The following COL5A1 variants were observed in gnomAD, a reference collection of about 807,000 sequenced individuals.
COL5A1 encodes collagen alpha-1(V) chain.
Under a neutral mutation model 263.7 loss-of-function variants are expected in COL5A1, and 16 were observed. That is an observed-to-expected ratio of 0.06 (90% confidence interval 0.04 to 0.09). The LOEUF is 0.09. Among genes scored for constraint, COL5A1 ranks in the 10% least tolerant of loss-of-function variants. The pLI, the probability that COL5A1 is intolerant of heterozygous loss-of-function variation, is 1.00. For synonymous variants in COL5A1, 1,012 were observed against 1,004.5 expected (o/e 1.01, Z -0.14); for missense variants, 2,036 against 2,540.5 (o/e 0.80, Z 4.27).
intron 29 of COL5A1, 106 bp downstream of exon 29, chr9:134,782,826 A>G: frequency 8.9e-7 from 1 of 1,128,626 alleles, no homozygotes; most frequent in Non-Finnish European, 1.3e-6. Flanking sequence ...CTCAGAATGG[A>G]GGTAAACTCT....
At chr9:134,674,526 G>A (rs954480260) in intron 1 of COL5A1, among the ~76,000 whole-genome samples, 1 of 152,116 alleles carries the variant, frequency 6.6e-6, no homozygotes, top group Admixed American at 6.6e-5. Context: ...GTGTGTGTGT[G>A]TTGGATGAGG....
At chr9:134,730,712 T>C (rs925977806) in intron 7 of COL5A1, among the ~76,000 whole-genome samples, 1 of 152,220 alleles carries the variant, frequency 6.6e-6, no homozygotes, top group African/African-American at 2.4e-5. Flanking sequence ...CATCTCAATG[T>C]TGTCAATTTT....
chr9:134,811,214 A>C lies in COL5A1; in HGVS notation c.3529-125A>C. 3.5e-6 allele frequency: 3 copies of C among 861,136 alleles called. No homozygotes were observed. The South Asian group carries it at 4.0e-5, about 11-fold the overall frequency. The allele number at this position is 861,136 out of a possible 1,614,324, so 53.3% of individuals were successfully genotyped here. On this transcript the variant is annotated intron_variant, in intron 44 of 65. Coordinates refer to ENST00000371817, the MANE Select transcript of COL5A1 (RefSeq NM_000093.5). The stretch of plus-strand genomic sequence containing the variant: ...CTTGCATCGTGGTGCAAGGAACGAC[A>C]CATTTGGAGACTGAACTGACGACGT...
At chr9:134,777,656 G>A (rs933382031) in intron 27 of COL5A1, among the ~76,000 whole-genome samples, 2 of 152,198 alleles carry the variant, frequency 1.3e-5, no homozygotes, top group Non-Finnish European at 2.9e-5. Context: ...ACCGAGAGGG[G>A]TCTCAGGAGG....
At chr9:134,723,255 G>A (rs1020948735) in intron 4 of COL5A1, among the ~76,000 whole-genome samples, 1 of 152,216 alleles carries the variant, frequency 6.6e-6, no homozygotes. Context: ...GGCACCCTGC[G>A]GAGAGGAAGG....
Position 134,771,141 on chromosome 9 carries a change from G to C in COL5A1, c.2287-1649G>C, listed in dbSNP as rs1836853213. Among the ~76,000 whole-genome samples, 4 of 152,270 alleles carry C rather than the reference G, an allele frequency of 2.6e-5. No individual in the cohort carries two copies. The South Asian group carries it at 6.2e-4, about 24-fold the overall frequency. The stretch of plus-strand genomic sequence containing the variant: ...AGCCTGGAACTGAGGAAATGACCAC[G>C]TGGAGAGGCCTGGGGGCTTCCTCGA... On this transcript the variant is annotated intron_variant, in intron 25 of 65. Coordinates refer to ENST00000371817, the MANE Select transcript of COL5A1 (RefSeq NM_000093.5).
intron 28 of COL5A1, 110 bp downstream of exon 28, chr9:134,780,256 C>T (rs571459152): frequency 1.7e-5 from 18 of 1,049,370 alleles, no homozygotes; most frequent in African/African-American, 7.7e-5. Flanking sequence ...AGGTGGATGT[C>T]GCCTCTGAGT....
At chr9:134,654,988 AGGTGTGTAGGGCTGGG>A (rs1831899507) in intron 1 of COL5A1, among the ~76,000 whole-genome samples, 2 of 11,664 alleles carry the variant, frequency 1.7e-4, no homozygotes, top group Non-Finnish European at 3.3e-4. Flanking sequence ...GTAGGGCTGG[AGGTGTGTAGGGCTGGG>A]GGTGTGTAGA....
chr9:134,671,965 C>G (rs958624459), intron 1 of COL5A1, among the ~76,000 whole-genome samples: 5 of 152,156 alleles, frequency 3.3e-5, no homozygotes, highest in Admixed American at 2.0e-4. Context: ...GACCAAGGGC[C>G]CTGTGAGGAC....
In COL5A1 at chr9:134,817,064, G is replaced by C. The variant is rs1564479397; in HGVS notation, c.4161G>C (p.Gly1387=). The C allele has an allele frequency of 6.2e-7, 1 of 1,613,736 alleles. No individual in the cohort carries two copies. The highest frequency in any genetic ancestry group is 1.7e-5 in the Admixed American group (1 of 60,020). Residue 1387 remains glycine, a synonymous_variant, in exon 53 of 66, where the codon GGG becomes GGC. Coordinates refer to ENST00000371817, the MANE Select transcript of COL5A1 (RefSeq NM_000093.5). ...CTACTGGTGAACCAGGTCCATCGGG[G>C]CCTCCAGGAAAAAGGGTAAATAATC... ...PGPTGEPGPS[G]PPGKRGPPGP... is the part of the protein sequence containing the mutation.
chr9:134,714,034 C>G (rs1452178319), intron 4 of COL5A1, among the ~76,000 whole-genome samples: 1 of 152,242 alleles, frequency 6.6e-6, no homozygotes, highest in Non-Finnish European at 1.5e-5. Context: ...TCTGTTGCTT[C>G]TGTGCTGCCT....
intron 61 of COL5A1, among the ~76,000 whole-genome samples, chr9:134,824,093 G>T (rs756515556): frequency 3.9e-5 from 6 of 152,186 alleles, no homozygotes; most frequent in African/African-American, 1.2e-4. Context: ...TTGAACCAGG[G>T]CATGGCGAGT....
intron 28 of COL5A1, among the ~76,000 whole-genome samples, chr9:134,780,350 C>T (rs1032238503): frequency 1.3e-5 from 2 of 152,146 alleles, no homozygotes; most frequent in African/African-American, 4.8e-5. Flanking sequence ...GCCCTCGGGT[C>T]CCCAGGGGCA....
At chr9:134,837,794 C>A (rs1839897912) in intron 65 of COL5A1, among the ~76,000 whole-genome samples, 1 of 152,134 alleles carries the variant, frequency 6.6e-6, no homozygotes, top group African/African-American at 2.4e-5. Flanking sequence ...CTCCCCACGT[C>A]CGAATGCGAA....
chr9:134,750,234 G>T (rs1290177638), intron 11 of COL5A1, among the ~76,000 whole-genome samples: 1 of 152,174 alleles, frequency 6.6e-6, no homozygotes. Context: ...TCACCTTCGG[G>T]CTCCTTGTCT....
At chr9:134,812,790 GTGTGTA>G (rs1423410225) in intron 48 of COL5A1, 78 bp downstream of exon 48, 31 of 979,764 alleles carry the variant, frequency 3.2e-5, no homozygotes, top group East Asian at 1.1e-4. Flanking sequence ...GTGTGTGTCT[GTGTGTA>G]TGTGTATGTG....
rs1307241543 is a variant in COL5A1, at chr9:134,757,212, G to A, written c.1881+394G>A. ...TGGAGGTGAGTAGATGTTGCCCGTG[G>A]CTAAAGGCAGGGCTGTGTGTGTGGC... is the stretch of plus-strand genomic sequence containing the variant. On this transcript the variant is annotated intron_variant, in intron 17 of 65. Coordinates refer to ENST00000371817, the MANE Select transcript of COL5A1 (RefSeq NM_000093.5). This position sits in a 1 kb window ranked among gnomAD's most constrained non-coding sequence, Gnocchi z 6.2. Among the ~76,000 whole-genome samples the A allele has an allele frequency of 6.6e-6, 1 of 152,128 alleles. No individual in the cohort carries two copies. Among genetic ancestry groups the A allele is most frequent in the East Asian group, 1.9e-4 (1 of 5,178 alleles).
In COL5A1 at chr9:134,818,081, G is replaced by T. The variant is rs932303562; in HGVS notation, c.4230+250G>T. On this transcript the variant is annotated intron_variant, in intron 54 of 65. Transcript: ENST00000371817. The surrounding 1 kb of genome is among the most constrained non-coding windows in gnomAD (Gnocchi z 6.0). Reference sequence around the variant, plus strand: ...GGGAGGAGGCGGGTGGTGGGTGCGGGATTCAGGGAGCCCAAGGCTGAGTAG... The same window carrying T: ...GGGAGGAGGCGGGTGGTGGGTGCGGTATTCAGGGAGCCCAAGGCTGAGTAG... Among the ~76,000 whole-genome samples, 2 of 152,204 alleles carry T rather than the reference G, an allele frequency of 1.3e-5. No homozygotes were observed. Among genetic ancestry groups the T allele is most frequent in the Non-Finnish European group, 2.9e-5 (2 of 68,032 alleles).
intron 49 of COL5A1, 110 bp downstream of exon 49, chr9:134,814,146 G>C: frequency 8.8e-7 from 1 of 1,137,316 alleles, no homozygotes; most frequent in Admixed American, 2.2e-5. Flanking sequence ...CCACGAAATG[G>C]GAGTTGTAAC....
Sources: gnomAD v4.1 joint callset for allele counts (sites outside exome capture counted in the v4.1 genomes callset) on GRCh38, gnomAD v4.1.1 for gene constraint, Gnocchi (gnomAD v3.1) non-coding constraint, MANE v1.5 for transcripts, NCBI Gene and HGNC (gene_info 2026-07-23, HGNC 2026-07-21) for gene names.